Variants in CSDE1 observed in about 807,000 individuals in gnomAD.
CSDE1 encodes the protein cold shock domain-containing protein E1.
Under a neutral mutation model 89.3 loss-of-function variants are expected in CSDE1, and 17 were observed. The observed-to-expected ratio is 0.19, with a 90% confidence interval of 0.13 to 0.29. The LOEUF is 0.29. Among genes scored for constraint, CSDE1 ranks in the 10% least tolerant of loss-of-function variants. The pLI is 1.00. For missense variants in CSDE1, 672 were observed against 984.2 expected (o/e 0.68, Z 4.24); for synonymous variants, 322 against 332.8 (o/e 0.97, Z 0.35).
At chr1:114,745,060 A>G (rs188923909) in intron 2 of CSDE1, among the ~76,000 whole-genome samples, 6 of 152,364 alleles carry the variant, frequency 3.9e-5, no homozygotes, top group Admixed American at 2.0e-4. Flanking sequence ...TAATACTTTC[A>G]TATACCAAAC....
chr1:114,738,993 A>G (rs1313832929), intron 3 of CSDE1, among the ~76,000 whole-genome samples: 1 of 150,280 alleles, frequency 6.7e-6, no homozygotes, highest in Non-Finnish European at 1.5e-5. Context: ...AATAATTTGT[A>G]TGGTGTCAGC....
In CSDE1 at chr1:114,756,398, C is replaced by A. The variant is rs530593630; in HGVS notation, c.-388+1527G>T. ...TATATCCCTACTGAAGTATATAAAG[C>A]CCCTCCTTACCCACACCAAGGATAT... is the stretch of plus-strand genomic sequence containing the variant. On this transcript the variant is annotated intron_variant, in intron 1 of 19. Transcript: ENST00000358528. Among the ~76,000 whole-genome samples the A allele has an allele frequency of 9.9e-4, 151 of 152,224 alleles. 1 individual carries two copies. The highest frequency in any genetic ancestry group is 6.7e-3 in the Admixed American group (102 of 15,292).
intron 9 of CSDE1, among the ~76,000 whole-genome samples, chr1:114,733,226 G>GT (rs1660199697): frequency 2.0e-5 from 3 of 151,768 alleles, no homozygotes; most frequent in African/African-American, 7.2e-5. Flanking sequence ...TCATCACCCA[G>GT]TAAAAAAAAA....
rs1454079558 is a variant in CSDE1, at chr1:114,717,201, A to G, written c.*968T>C. 1 of 152,562 alleles carries G rather than the reference A, an allele frequency of 6.6e-6. No homozygotes were observed. Among genetic ancestry groups the G allele is most frequent in the Non-Finnish European group, 1.5e-5 (1 of 68,046 alleles). 9.5% of individuals were successfully genotyped at this position (152,562 alleles called of 1,614,324 possible). On this transcript the variant is annotated 3_prime_UTR_variant, in exon 20 of 20. Transcript: ENST00000358528. ...CAGACCCATCCATTCCCGTGATATA[A>G]AGTTGAACAGAAGCTACACCAAGGG...
In CSDE1 at chr1:114,727,026, G is replaced by T; in HGVS notation, c.1421C>A (p.Ala474Asp). 1 of 1,613,610 alleles carries T rather than the reference G, an allele frequency of 6.2e-7. No homozygotes were observed. The highest frequency in any genetic ancestry group is 8.5e-7 in the Non-Finnish European group (1 of 1,179,742). The change falls in exon 13 of 20, where the codon GCC becomes GAC. Residue 474 changes from alanine to aspartate, a missense_variant. Around this residue, in one of 8 missense-constraint regions of CSDE1, gnomAD observed 108 missense variants for 105.0 expected, o/e 1.03. Coordinates refer to ENST00000358528, the MANE Select transcript of CSDE1 (RefSeq NM_001007553.3). The part of the protein sequence containing the change: ...CGVKLTIAFQ[A>D]KDVEGSTSPQ... ...AGAAGTAGATCCTTCCACATCCTTG[G>T]CTTGAAAAGCAATAGTCAGTTTCAC...
intron 1 of CSDE1, among the ~76,000 whole-genome samples, chr1:114,750,929 G>A (rs1661273485): frequency 6.6e-6 from 1 of 152,248 alleles, no homozygotes; most frequent in South Asian, 2.1e-4. Context: ...CTGCATGAAT[G>A]CCTGTGGCAA....
chr1:114,730,076 C>A (rs1660019880), intron 12 of CSDE1, among the ~76,000 whole-genome samples, 182 bp downstream of exon 12: 1 of 152,180 alleles, frequency 6.6e-6, no homozygotes, highest in African/African-American at 2.4e-5. Context: ...AAGAATCATT[C>A]ATCCCAAAAT....
In CSDE1 at chr1:114,718,077, C is replaced by T. The variant is rs9724614; in HGVS notation, c.*92G>A. 1.1e-3 allele frequency: 1,393 copies of T among 1,293,206 alleles called. 12 individuals carry two copies. The African/African-American group carries it at 0.018, about 17-fold the overall frequency. 80.1% of individuals were successfully genotyped at this position (1,293,206 alleles called of 1,614,324 possible). A position where few individuals can be genotyped will look rare whatever the true frequency, so the allele number is the denominator to read the frequency against. On this transcript the variant is annotated 3_prime_UTR_variant, in exon 20 of 20. Transcript: ENST00000358528. ...TCAATAGAATAAGTATTCCAGATTT[C>T]GGGAGGGATGAAGAGGGAGATATTC...
Position 114,739,701 on chromosome 1 carries a change from T to G in CSDE1, c.190A>C (p.Lys64Gln). 6.2e-7 allele frequency: 1 copy of G among 1,603,462 alleles called. No individual in the cohort carries two copies. The highest frequency in any genetic ancestry group is 8.5e-7 in the Non-Finnish European group (1 of 1,170,736). ...AGAACTGACAGATTACCTCCTACTT[T>G]TAAGTCTTGCAGGTTGCCATTATAC... ...SQYNGNLQDL[K>Q]VGDDVEFEVS... Residue 64 changes from lysine to glutamine, a missense_variant, in exon 3 of 20, where the codon AAA becomes CAA. By Grantham distance (53) the Lys-to-Gln change is moderately conservative (BLOSUM62 1). Transcript: ENST00000358528.
intron 8 of CSDE1, 26 bp from the exon 9 acceptor site, chr1:114,733,883 T>G (rs1362740044): frequency 1.3e-5 from 21 of 1,612,082 alleles, no homozygotes; most frequent in Non-Finnish European, 1.6e-5. Flanking sequence ...TTGGAGGTGG[T>G]GGGGGGACAG....
intron 16 of CSDE1, among the ~76,000 whole-genome samples, chr1:114,722,896 A>G (rs1557990062): frequency 6.6e-6 from 1 of 152,226 alleles, no homozygotes; most frequent in Non-Finnish European, 1.5e-5. Context: ...TAGGTTATCA[A>G]GGTTCATTTC....
chr1:114,757,898 C>G (rs1267434218), intron 1 of CSDE1, 27 bp downstream of exon 1: 2 of 152,884 alleles, frequency 1.3e-5, no homozygotes, highest in South Asian at 2.1e-4. Flanking sequence ...TCTGCTACCC[C>G]CAGTTGGACC....
intron 1 of CSDE1, among the ~76,000 whole-genome samples, chr1:114,757,382 G>C (rs1334230687): frequency 6.6e-6 from 1 of 152,096 alleles, no homozygotes; most frequent in African/African-American, 2.4e-5. Context: ...GGTACTGGTA[G>C]TCAGATTCCC....
At position 114,726,179 on chromosome 1, in the gene CSDE1, T is replaced by A. The variant is rs189980356; in HGVS notation, c.1640+32A>T. On this transcript the variant is annotated intron_variant, in intron 14 of 19. Transcript: ENST00000358528. ...CAACACCAAAGAATGGATGGTAAGTTAGCTGTAAAGTTCCTGAAAGTCACG... is the reference window on the plus strand; with the variant it reads ...CAACACCAAAGAATGGATGGTAAGTAAGCTGTAAAGTTCCTGAAAGTCACG... 10 of 1,561,974 alleles carry A rather than the reference T, an allele frequency of 6.4e-6. No homozygotes were observed. The Admixed American group carries it at 1.6e-4, about 25-fold the overall frequency.
intron 9 of CSDE1, 102 bp downstream of exon 9, chr1:114,733,630 C>T: frequency 9.7e-7 from 1 of 1,028,248 alleles, no homozygotes; most frequent in South Asian, 1.9e-5. Context: ...TGTTCCACTA[C>T]CACATTATAT....
Position 114,732,724 on chromosome 1 carries a change from C to T in CSDE1, c.930G>A (p.Leu310=), listed in dbSNP as rs1199894545. 2 of 1,614,114 alleles carry T rather than the reference C, an allele frequency of 1.2e-6. No homozygotes were observed. Among genetic ancestry groups the T allele is most frequent in the Admixed American group, 1.7e-5 (1 of 60,026 alleles). ...GDKDTKSKVT[L]LEGDHVRFNI... is the part of the protein sequence containing the mutation. The stretch of plus-strand genomic sequence containing the variant: ...TAAACCTAACATGGTCACCTTCCAG[C>T]AGGGTCACCTTGGATTTCGTATCTT... Residue 310 remains leucine (L), a synonymous_variant, in exon 10 of 20, where the codon CTG becomes CTA. Coordinates refer to ENST00000358528, the MANE Select transcript of CSDE1 (RefSeq NM_001007553.3).
chr1:114,732,500 T>G (rs192361497), intron 10 of CSDE1, 104 bp downstream of exon 10: 52 of 977,282 alleles, frequency 5.3e-5, no homozygotes, highest in Admixed American at 4.2e-4. Flanking sequence ...AAATGCCCAT[T>G]AGGGTCATTT....
At chr1:114,726,509 C>A in intron 13 of CSDE1, 123 bp from the exon 14 acceptor site, 3 of 719,304 alleles carry the variant, frequency 4.2e-6, no homozygotes, top group Non-Finnish European at 6.4e-6. Flanking sequence ...TTTGTTATTA[C>A]TTCAATGAAA....
At position 114,719,460 on chromosome 1, in the gene CSDE1, T is replaced by C. The variant is rs1659388183; in HGVS notation, c.2216+119A>G. 12 of 1,029,024 alleles carry C rather than the reference T, an allele frequency of 1.2e-5. No individual in the cohort carries two copies. In the South Asian group the frequency reaches 2.3e-4, roughly 19 times the overall value. 63.7% of individuals were successfully genotyped at this position (1,029,024 alleles called of 1,614,324 possible). A position where few individuals can be genotyped will look rare whatever the true frequency, so the allele number is the denominator to read the frequency against. ...TTTGTATTCAACTAGAAGTAGGAAGTATCAAGAAATAATAAGTGGCAGAAG... is the reference window on the plus strand; with the variant it reads ...TTTGTATTCAACTAGAAGTAGGAAGCATCAAGAAATAATAAGTGGCAGAAG... On this transcript the variant is annotated intron_variant, in intron 18 of 19. Coordinates refer to ENST00000358528, the MANE Select transcript of CSDE1 (RefSeq NM_001007553.3).
Sources: gnomAD v4.1 joint callset for allele counts (sites outside exome capture counted in the v4.1 genomes callset) on GRCh38, gnomAD v4.1.1 for gene constraint, gnomAD v4.1.1 regional missense constraint, MANE v1.5 for transcripts, NCBI Gene and HGNC (gene_info 2026-07-23, HGNC 2026-07-21) for gene names.